Variants in MPHOSPH9 observed in about 807,000 individuals in gnomAD.
The protein encoded by MPHOSPH9 is M-phase phosphoprotein 9.
In MPHOSPH9, 88 loss-of-function variants were observed where a neutral mutation model predicts 145.5. The observed-to-expected ratio is 0.60, with a 90% CI of 0.51 to 0.72. The LOEUF is 0.72. Ranked by LOEUF, MPHOSPH9 falls within the 30% of genes least tolerant of loss-of-function variation. The probability of loss-of-function intolerance (pLI) is 0.00; values close to 1 mark genes in which losing one functional copy is unlikely to be tolerated. For missense variants in MPHOSPH9, 1,238 were observed against 1,386.6 expected (o/e 0.89, Z 1.70); for synonymous variants, 435 against 486.2 (o/e 0.89, Z 1.39).
At position 123,202,180 on chromosome 12, in the gene MPHOSPH9, G is replaced by T; in HGVS notation, c.1921C>A (p.Gln641Lys). The T allele has an allele frequency of 1.2e-6, 2 of 1,608,640 alleles. No homozygotes were observed. The highest frequency in any genetic ancestry group is 2.2e-5 in the South Asian group (2 of 89,492). ...AAATTTTACCTGTCTACAAGAATTT[G>T]ATTGGTTATCTTCCAATCTTCAACT... ...SGVEDWKITN[Q>K]ILVDRCGQLD... The change falls in exon 11 of 24, where the codon CAA (glutamine) becomes AAA (lysine). Residue 641 changes from glutamine to lysine, a missense_variant. By Grantham distance (53) the Gln-to-Lys change is moderately conservative. Coordinates refer to ENST00000606320, the MANE Select transcript of MPHOSPH9 (RefSeq NM_022782.4).
chr12:123,188,195 T>C (rs1593136167), intron 13 of MPHOSPH9, among the ~76,000 whole-genome samples: 1 of 152,202 alleles, frequency 6.6e-6, no homozygotes, highest in East Asian at 1.9e-4. Context: ...ATGGATGCAA[T>C]ACGTATAACC....
chr12:123,203,194 A>C lies in MPHOSPH9; in HGVS notation c.1320+56T>G. The C allele has an allele frequency of 1.9e-6, 3 of 1,599,380 alleles. No homozygotes were observed. The South Asian group carries it at 3.4e-5, about 18-fold the overall frequency. On this transcript the variant is annotated intron_variant, in intron 9 of 23. Transcript: ENST00000606320. Reference sequence around the variant, plus strand: ...TAGGGAAAATGAAGCTTGAGGTAAAAGTTAGAGTCAGGAAGCATTGTTCAC... The same window carrying C: ...TAGGGAAAATGAAGCTTGAGGTAAACGTTAGAGTCAGGAAGCATTGTTCAC...
At chr12:123,152,642 C>T (rs2043797748), downstream of MPHOSPH9, 3 of 453,956 alleles carry the variant, frequency 6.6e-6, no homozygotes, top group Admixed American at 2.4e-5. Context: ...AAATAAAGTA[C>T]AAATCAGGCA....
chr12:123,199,398 A>C (rs1437701354), intron 11 of MPHOSPH9, among the ~76,000 whole-genome samples: 1 of 152,200 alleles, frequency 6.6e-6, no homozygotes, highest in Non-Finnish European at 1.5e-5. Context: ...CATAGTATGA[A>C]TAATAAAAGC....
intron 21 of MPHOSPH9, 139 bp from the exon 22 acceptor site, chr12:123,161,522 T>C: frequency 1.1e-6 from 1 of 873,442 alleles, no homozygotes; most frequent in Non-Finnish European, 1.8e-6. Context: ...AGAGATACAA[T>C]AATCAATCTT....
chr12:123,165,676 A>G (rs1034388167), intron 17 of MPHOSPH9, 199 bp from the exon 18 acceptor site: 1 of 500,844 alleles, frequency 2.0e-6, no homozygotes, highest in Non-Finnish European at 3.5e-6. Flanking sequence ...CCCTTATGAA[A>G]AAGGGAAAGA....
chr12:123,223,943 T>A (rs10744149), intron 3 of MPHOSPH9, among the ~76,000 whole-genome samples: 97,973 of 151,022 alleles, frequency 0.65, 35,871 homozygotes, highest in East Asian at 0.99. Flanking sequence ...TTATTTATTT[T>A]TTTTTTTGAG....
rs773251957 is a variant in MPHOSPH9 at position 123,161,237 on chromosome 12, A to T, written c.3280T>A (p.Ser1094Thr). 8 of 1,614,030 alleles carry T rather than the reference A, an allele frequency of 5.0e-6. No homozygotes were observed. The South Asian group carries it at 8.8e-5, about 18-fold the overall frequency. ...SVSYEQCKPVSVTPQGNDFEY... is the reference protein window; with the variant it reads ...SVSYEQCKPVTVTPQGNDFEY... ...AAATCATTCCCCTGTGGAGTGACTG[A>T]AACCGGCTTACACTGTTCGTAGCTA... Residue 1094 changes from serine (S) to threonine (T), a missense_variant, in exon 22 of 24, where the codon TCA becomes ACA. By Grantham distance (58) the Ser-to-Thr change is moderately conservative. Around this residue, in one of 3 missense-constraint regions of MPHOSPH9, gnomAD observed 393 missense variants for 462.5 expected, o/e 0.85. Transcript: ENST00000606320.
At chr12:123,212,177 G>A (rs947655891) in intron 7 of MPHOSPH9, among the ~76,000 whole-genome samples, 1 of 152,130 alleles carries the variant, frequency 6.6e-6, no homozygotes, top group Non-Finnish European at 1.5e-5. Flanking sequence ...AAGGGGATAT[G>A]TAGTGGGGGG....
chr12:123,175,821 TAAAAAAA>T (rs75867409), intron 16 of MPHOSPH9, among the ~76,000 whole-genome samples: 1 of 131,764 alleles, frequency 7.6e-6, no homozygotes, highest in Admixed American at 7.6e-5. Context: ...ATCTTTTCTT[TAAAAAAA>T]AAAAAAAAAA....
At chr12:123,203,431 A>G (rs772032188) in intron 8 of MPHOSPH9, 56 bp from the exon 9 acceptor site, 20 of 1,435,128 alleles carry the variant, frequency 1.4e-5, no homozygotes, top group Non-Finnish European at 1.9e-5. Flanking sequence ...CAAATTAATG[A>G]TATCAAAATA....
At chr12:123,165,219 CTAAA>C (rs2044266318) in intron 18 of MPHOSPH9, 79 bp downstream of exon 18, 2 of 1,326,896 alleles carry the variant, frequency 1.5e-6, no homozygotes, top group Non-Finnish European at 2.1e-6. Context: ...ATTTCATTAC[CTAAA>C]TATTTTAATT....
intron 12 of MPHOSPH9, among the ~76,000 whole-genome samples, chr12:123,197,677 G>A (rs1306365932): frequency 6.6e-6 from 1 of 151,960 alleles, no homozygotes; most frequent in African/African-American, 2.4e-5. Context: ...AGCTACTAGG[G>A]AGGCTGAGGC....
upstream of MPHOSPH9, among the ~76,000 whole-genome samples, chr12:123,236,104 G>A (rs2047846605): frequency 1.3e-5 from 2 of 151,882 alleles, no homozygotes; most frequent in Admixed American, 6.6e-5. Context: ...AAAAAGTTAA[G>A]GAAAAGGAGC....
chr12:123,181,331 G>A (rs1197232850), intron 13 of MPHOSPH9, 121 bp from the exon 14 acceptor site: 1 of 724,910 alleles, frequency 1.4e-6, no homozygotes, highest in Admixed American at 2.7e-5. Flanking sequence ...GAAAGAGAAA[G>A]GTCAATAGAG....
At chr12:123,168,601 C>G (rs1016939823) in intron 16 of MPHOSPH9, among the ~76,000 whole-genome samples, 2 of 152,024 alleles carry the variant, frequency 1.3e-5, no homozygotes, top group African/African-American at 4.8e-5. Flanking sequence ...CTCAGCCTCC[C>G]AAAGTGCTGG....
upstream of MPHOSPH9, among the ~76,000 whole-genome samples, chr12:123,235,574 G>A (rs924692366): frequency 6.7e-5 from 10 of 150,142 alleles, no homozygotes; most frequent in East Asian, 2.0e-4. Flanking sequence ...GGGTTTCACC[G>A]TGTTAGCCAG....
chr12:123,232,126 C>T (rs1475663640), intron 1 of MPHOSPH9, among the ~76,000 whole-genome samples: 1 of 151,736 alleles, frequency 6.6e-6, no homozygotes, highest in Admixed American at 6.6e-5. Flanking sequence ...ACTGCCCCTT[C>T]CAACTGGCAA....
At chr12:123,171,228 C>A (rs1004478501) in intron 16 of MPHOSPH9, among the ~76,000 whole-genome samples, 1 of 151,932 alleles carries the variant, frequency 6.6e-6, no homozygotes, top group East Asian at 1.9e-4. Flanking sequence ...CTGAGGCGGG[C>A]GGATCACTTG....
Sources: gnomAD v4.1 joint callset for allele counts (sites outside exome capture counted in the v4.1 genomes callset) on GRCh38, gnomAD v4.1.1 for gene constraint, gnomAD v4.1.1 regional missense constraint, MANE v1.5 for transcripts, NCBI Gene and HGNC (gene_info 2026-07-23, HGNC 2026-07-21) for gene names.